Variants in CNTN4 observed in about 807,000 individuals in gnomAD.
CNTN4 encodes contactin 4, also known as contactin-4.
Under a neutral mutation model 122.5 loss-of-function variants are expected in CNTN4, and 77 were observed. The observed-to-expected ratio is 0.63, with a 90% confidence interval of 0.52 to 0.76. The LOEUF (loss-of-function observed/expected upper bound fraction) is 0.76. Ranked by LOEUF, CNTN4 falls within the 30% of genes least tolerant of loss-of-function variation. The pLI is 0.00. For synonymous variants in CNTN4, 512 were observed against 447.0 expected, an observed-to-expected ratio of 1.15 and a Z score of -1.83; for missense variants, 1,256 against 1,259.1, an observed-to-expected ratio of 1.00 and a Z score of 0.04.
At chr3:2,484,953 G>A (rs143920343) in intron 3 of CNTN4, among the ~76,000 whole-genome samples, 11 of 152,154 alleles carry the variant, frequency 7.2e-5, no homozygotes, top group Admixed American at 3.3e-4. Context: ...TGCGCTCACC[G>A]GCCAGCGCGA....
At chr3:2,185,968 A>T (rs544552069) in intron 2 of CNTN4, among the ~76,000 whole-genome samples, 1 of 151,850 alleles carries the variant, frequency 6.6e-6, no homozygotes, top group Non-Finnish European at 1.5e-5. Flanking sequence ...TCTAGGGTAC[A>T]TGTGCACAAC....
chr3:2,427,262 G>A (rs1458757044), intron 3 of CNTN4, among the ~76,000 whole-genome samples: 2 of 152,214 alleles, frequency 1.3e-5, no homozygotes, highest in Non-Finnish European at 2.9e-5. Context: ...AGAGATTCTG[G>A]TATGTTGTGT....
At chr3:2,792,882 T>C (rs921923185) in intron 6 of CNTN4, among the ~76,000 whole-genome samples, 1 of 152,190 alleles carries the variant, frequency 6.6e-6, no homozygotes. Flanking sequence ...CATTCTCAAA[T>C]ACCAGTATTT....
At chr3:2,186,501 G>A (rs1418584762) in intron 2 of CNTN4, among the ~76,000 whole-genome samples, 1 of 152,172 alleles carries the variant, frequency 6.6e-6, no homozygotes, top group Non-Finnish European at 1.5e-5. Flanking sequence ...TTGAGGAATT[G>A]CCACACTGTC....
chr3:2,449,201 G>A (rs1029719190), intron 3 of CNTN4, among the ~76,000 whole-genome samples: 17 of 152,232 alleles, frequency 1.1e-4, no homozygotes, highest in African/African-American at 3.6e-4. Flanking sequence ...TGCTATTTTC[G>A]AGATCATTAT....
At chr3:3,004,565 A>G (rs1260779305) in intron 14 of CNTN4, among the ~76,000 whole-genome samples, 1 of 152,236 alleles carries the variant, frequency 6.6e-6, no homozygotes, top group African/African-American at 2.4e-5. Flanking sequence ...AAGATAGACA[A>G]ATCAGGTTCT....
At chr3:2,712,176 C>T (rs942566866) in intron 4 of CNTN4, among the ~76,000 whole-genome samples, 1 of 152,102 alleles carries the variant, frequency 6.6e-6, no homozygotes, top group African/African-American at 2.4e-5. Context: ...ATTGTTATAA[C>T]TATTTTTATA....
chr3:2,352,046 T>A (rs1347126400), intron 3 of CNTN4, among the ~76,000 whole-genome samples: 1 of 152,270 alleles, frequency 6.6e-6, no homozygotes, highest in Admixed American at 6.5e-5. Flanking sequence ...TATCAAAACA[T>A]CACATTTTAC....
chr3:2,625,106 G>A (rs1256060172), intron 4 of CNTN4, among the ~76,000 whole-genome samples: 3 of 152,144 alleles, frequency 2.0e-5, no homozygotes, highest in African/African-American at 7.2e-5. Flanking sequence ...AAAATACATA[G>A]TAAGAGCTTA....
intron 4 of CNTN4, among the ~76,000 whole-genome samples, chr3:2,673,745 T>C (rs901877770): frequency 6.6e-6 from 1 of 152,092 alleles, no homozygotes; most frequent in African/African-American, 2.4e-5. Flanking sequence ...GGTTTCACCA[T>C]GTTAGCCAGG....
At chr3:2,529,209 T>C (rs2077508806) in intron 3 of CNTN4, among the ~76,000 whole-genome samples, 1 of 152,180 alleles carries the variant, frequency 6.6e-6, no homozygotes, top group Admixed American at 6.6e-5. Flanking sequence ...GAAATATTTA[T>C]CATTCTGTGC....
chr3:2,938,373 T>G (rs917470081), intron 13 of CNTN4, among the ~76,000 whole-genome samples: 1 of 152,318 alleles, frequency 6.6e-6, no homozygotes, highest in South Asian at 2.1e-4. Context: ...CTGCTTAATT[T>G]CTTTTAATCC....
chr3:2,731,995 G>T (rs1317672369), intron 4 of CNTN4, among the ~76,000 whole-genome samples: 1 of 152,146 alleles, frequency 6.6e-6, no homozygotes, highest in Non-Finnish European at 1.5e-5. Flanking sequence ...TCAGTCCTAG[G>T]CCTTGACACA....
chr3:2,415,175 TCTGCCTTGCATTCATGCTAAGAAA>T (rs1389762849), intron 3 of CNTN4, among the ~76,000 whole-genome samples: 1 of 152,220 alleles, frequency 6.6e-6, no homozygotes, highest in Non-Finnish European at 1.5e-5. Context: ...AATGTGCTCT[TCTGCCTTGCATTCATGCTAAGAAA>T]ACCAGTGTCT....
intron 2 of CNTN4, among the ~76,000 whole-genome samples, chr3:2,284,895 CAT>C (rs749297131): frequency 3.3e-5 from 5 of 151,634 alleles, no homozygotes; most frequent in Non-Finnish European, 7.4e-5. Flanking sequence ...TGATCCAAAA[CAT>C]ATACCACAGG....
intron 15 of CNTN4, among the ~76,000 whole-genome samples, chr3:3,026,596 C>G (rs1574859218): frequency 6.6e-6 from 1 of 152,128 alleles, no homozygotes; most frequent in African/African-American, 2.4e-5. Context: ...CTTAAAACTT[C>G]AAATCCCAAA....
intron 4 of CNTN4, among the ~76,000 whole-genome samples, chr3:2,708,275 T>C (rs1480601705): frequency 6.6e-6 from 1 of 152,192 alleles, no homozygotes; most frequent in Non-Finnish European, 1.5e-5. Flanking sequence ...CAAGATATCT[T>C]CATTTGCTGA....
At chr3:2,662,753 G>A (rs776115742) in intron 4 of CNTN4, among the ~76,000 whole-genome samples, 14 of 152,132 alleles carry the variant, frequency 9.2e-5, no homozygotes, top group Middle Eastern at 3.2e-3. Context: ...GACACCCTAC[G>A]AAAAGTATGA....
Position 3,019,926 on chromosome 3 carries a change from A to G in CNTN4, c.1487-6176A>G, listed in dbSNP as rs371974356. On this transcript the variant is annotated intron_variant, in intron 14 of 24. Transcript: ENST00000418658. ...ATATGAAGGTGAAAGAGTTCTTTGT[A>G]CTTTTCTGGCAAACTTTCTGTAAGT... 8.0e-4 allele frequency among the ~76,000 whole-genome samples: 121 copies of G among 151,702 alleles called. 1 individual carries two copies. The highest frequency in any genetic ancestry group is 2.7e-3 in the African/African-American group (113 of 41,410).
Sources: gnomAD v4.1 joint callset for allele counts (sites outside exome capture counted in the v4.1 genomes callset) on GRCh38, gnomAD v4.1.1 for gene constraint, MANE v1.5 for transcripts, NCBI Gene and HGNC (gene_info 2026-07-23, HGNC 2026-07-21) for gene names.